The following RFT1 variants were observed in gnomAD, a reference collection of about 807,000 sequenced individuals.
RFT1 encodes the protein man(5)GlcNAc(2)-PP-dolichol translocation protein RFT1.
In RFT1, 43 loss-of-function variants were observed where a neutral mutation model predicts 62.2. The ratio of observed to expected loss-of-function variants is 0.69; its 90% CI spans 0.54 to 0.89. The LOEUF (loss-of-function observed/expected upper bound fraction) is 0.89, where lower values mean the gene tolerates loss of function less well. RFT1 is among the 40% of genes least tolerant of loss of function. The pLI, the probability that RFT1 is intolerant of heterozygous loss-of-function variation, is 0.00. For missense variants in RFT1, 605 were observed against 649.9 expected (o/e 0.93, Z 0.75); for synonymous variants, 262 against 264.6 (o/e 0.99, Z 0.10).
the RFT1 span, among the ~76,000 whole-genome samples, chr3:53,072,971 C>T: frequency 6.6e-6 from 1 of 152,232 alleles, no homozygotes; most frequent in African/African-American, 2.4e-5. Flanking sequence ...GGGGGTGAAG[C>T]CGAGGCTGGC....
At chr3:53,071,323 GGT>G in the RFT1 span, among the ~76,000 whole-genome samples, 1 of 152,182 alleles carries the variant, frequency 6.6e-6, no homozygotes, top group African/African-American at 2.4e-5. Context: ...CGATCCCTAT[GGT>G]CACTGAAGCT....
chr3:53,114,194 C>A (rs564240602), intron 6 of RFT1, among the ~76,000 whole-genome samples: 1 of 152,306 alleles, frequency 6.6e-6, no homozygotes, highest in East Asian at 1.9e-4. Flanking sequence ...CTGCTCCTCA[C>A]CCCTTGCCAT....
chr3:53,099,307 A>G, intron 11 of RFT1, 74 bp downstream of exon 11: 1 of 1,276,772 alleles, frequency 7.8e-7, no homozygotes. Context: ...TCAGAACGAA[A>G]AGCAAAAAGC....
chr3:53,073,270 C>T, the RFT1 span, among the ~76,000 whole-genome samples: 2 of 152,362 alleles, frequency 1.3e-5, no homozygotes, highest in East Asian at 1.9e-4. Context: ...CCCGTTACAG[C>T]CTCTGCCGTC....
intron 10 of RFT1, among the ~76,000 whole-genome samples, chr3:53,101,625 G>A (rs1701317500): frequency 6.6e-6 from 1 of 152,240 alleles, no homozygotes; most frequent in Non-Finnish European, 1.5e-5. Context: ...TTAATGTCCT[G>A]ACCAGTGGTA....
the RFT1 span, among the ~76,000 whole-genome samples, chr3:53,070,233 T>C: frequency 6.6e-6 from 1 of 151,786 alleles, no homozygotes; most frequent in African/African-American, 2.4e-5. Flanking sequence ...GTGGACAACA[T>C]AGTGAGACCT....
intron 6 of RFT1, among the ~76,000 whole-genome samples, chr3:53,118,640 T>A (rs1030575268): frequency 6.6e-6 from 1 of 152,010 alleles, no homozygotes; most frequent in African/African-American, 2.4e-5. Context: ...GTGCATTACA[T>A]CCGGCAAGCA....
the RFT1 span, among the ~76,000 whole-genome samples, chr3:53,078,423 A>G: frequency 3.9e-5 from 6 of 152,186 alleles, no homozygotes; most frequent in Non-Finnish European, 7.3e-5. Flanking sequence ...AGATAAAATC[A>G]CTTATCAGGA....
intron 6 of RFT1, among the ~76,000 whole-genome samples, chr3:53,117,597 G>T (rs1003890055): frequency 3.9e-5 from 6 of 152,190 alleles, no homozygotes; most frequent in Non-Finnish European, 7.3e-5. Flanking sequence ...CTGGGCATGG[G>T]TACTTTCAGA....
At chr3:53,087,745 TC>T (rs1317049259), downstream of RFT1, among the ~76,000 whole-genome samples, 1 of 152,164 alleles carries the variant, frequency 6.6e-6, no homozygotes, top group African/African-American at 2.4e-5. Flanking sequence ...GGTCTCAAAA[TC>T]CCGGGCTCAA....
At chr3:53,102,241 G>T (rs781502743) in intron 10 of RFT1, among the ~76,000 whole-genome samples, 5 of 152,304 alleles carry the variant, frequency 3.3e-5, no homozygotes, top group Non-Finnish European at 4.4e-5. Context: ...GCCTCTCCTC[G>T]AGCCTTCAGA....
At chr3:53,105,547 T>C (rs1189229480) in intron 9 of RFT1, 126 bp downstream of exon 9, 6 of 1,197,266 alleles carry the variant, frequency 5.0e-6, no homozygotes, top group Non-Finnish European at 7.4e-6. Context: ...AAGAATGTAA[T>C]AGAAGAATGA....
At chr3:53,107,317 T>C (rs1033708457) in intron 7 of RFT1, among the ~76,000 whole-genome samples, 7 of 152,010 alleles carry the variant, frequency 4.6e-5, no homozygotes, top group Admixed American at 4.6e-4. Flanking sequence ...TTTTGTATTT[T>C]TAGTAGAGAT....
chr3:53,082,429 C>T, the RFT1 span, among the ~76,000 whole-genome samples: 12 of 151,862 alleles, frequency 7.9e-5, no homozygotes, highest in African/African-American at 2.7e-4. Flanking sequence ...GAGCTGAGAT[C>T]GTGCCACTGC....
chr3:53,070,736 A>C, the RFT1 span, among the ~76,000 whole-genome samples: 1 of 151,250 alleles, frequency 6.6e-6, no homozygotes, highest in Non-Finnish European at 1.5e-5. Flanking sequence ...CCACTAAATA[A>C]TTTTAAAAGT....
intron 11 of RFT1, among the ~76,000 whole-genome samples, chr3:53,095,139 G>A (rs537258893): frequency 1.3e-5 from 2 of 151,954 alleles, no homozygotes; most frequent in African/African-American, 2.4e-5. Flanking sequence ...GGTGGTGCAC[G>A]TCTGTAGTCC....
intron 11 of RFT1, among the ~76,000 whole-genome samples, chr3:53,095,542 C>T (rs1264869211): frequency 3.3e-5 from 5 of 152,182 alleles, no homozygotes; most frequent in East Asian, 1.9e-4. Context: ...TGCCCAGAGA[C>T]TCCGTCTCTA....
the RFT1 span, among the ~76,000 whole-genome samples, chr3:53,075,757 T>C: frequency 6.6e-6 from 1 of 151,896 alleles, no homozygotes; most frequent in South Asian, 2.1e-4. Flanking sequence ...TGACCAGCAA[T>C]GAAGAGTCAC....
chr3:53,075,276 G>A, the RFT1 span, among the ~76,000 whole-genome samples: 2 of 152,246 alleles, frequency 1.3e-5, no homozygotes, highest in African/African-American at 2.4e-5. Context: ...ATCCTGGTGA[G>A]TTGTGTGTTT....
Sources: gnomAD v4.1 joint callset for allele counts (sites outside exome capture counted in the v4.1 genomes callset) on GRCh38, gnomAD v4.1.1 for gene constraint, MANE v1.5 for transcripts, NCBI Gene and HGNC (gene_info 2026-07-23, HGNC 2026-07-21) for gene names.